DIP2B: variants seen among roughly 807,000 people sequenced by gnomAD.
The protein encoded by DIP2B is DIP2 acetate--CoA ligase B (putative).
In DIP2B, 76 loss-of-function variants were observed where a neutral mutation model predicts 198.0. That is an observed-to-expected ratio of 0.38 (90% CI 0.32 to 0.46). The LOEUF (loss-of-function observed/expected upper bound fraction) is 0.46, where lower values mean the gene tolerates loss of function less well. Among genes scored for constraint, DIP2B ranks in the 20% least tolerant of loss-of-function variants. The pLI is 0.99. For missense variants in DIP2B, 1,559 were observed against 1,978.4 expected, an observed-to-expected ratio of 0.79 and a Z score of 4.02; for synonymous variants, 701 against 739.1, an observed-to-expected ratio of 0.95 and a Z score of 0.84.
intron 1 of DIP2B, among the ~76,000 whole-genome samples, chr12:50,580,589 G>A (rs1384329576): frequency 7.5e-6 from 1 of 133,766 alleles, no homozygotes; most frequent in East Asian, 2.8e-4. Flanking sequence ...AGACTAGAGT[G>A]TAGTGGCGTG....
chr12:50,556,365 G>A (rs1169894325), intron 1 of DIP2B, among the ~76,000 whole-genome samples: 2 of 151,938 alleles, frequency 1.3e-5, no homozygotes, highest in South Asian at 2.1e-4. Context: ...GTAAGCCATC[G>A]AGCCCGGCCG....
chr12:50,703,084 G>A (rs753018826), intron 19 of DIP2B, among the ~76,000 whole-genome samples: 12 of 151,980 alleles, frequency 7.9e-5, no homozygotes, highest in African/African-American at 1.7e-4. Flanking sequence ...TTAGCTAGGC[G>A]TGGTAACCCG....
At chr12:50,727,665 A>G in intron 28 of DIP2B, 38 bp from the exon 29 acceptor site, 1 of 1,554,720 alleles carries the variant, frequency 6.4e-7, no homozygotes, top group Non-Finnish European at 8.9e-7. Context: ...ATGTTCCAGC[A>G]TGTTGGATTG....
intron 2 of DIP2B, among the ~76,000 whole-genome samples, chr12:50,636,050 G>A (rs1377537862): frequency 6.6e-6 from 1 of 152,194 alleles, no homozygotes; most frequent in Non-Finnish European, 1.5e-5. Flanking sequence ...TATAGCAGGA[G>A]AGATGACAGT....
intron 19 of DIP2B, among the ~76,000 whole-genome samples, chr12:50,701,892 A>G (rs1939423804): frequency 6.6e-6 from 1 of 152,194 alleles, no homozygotes; most frequent in African/African-American, 2.4e-5. Flanking sequence ...CTGTAAAGCA[A>G]GTAAACCTGT....
chr12:50,693,720 C>G (rs535365019), intron 14 of DIP2B, among the ~76,000 whole-genome samples: 5 of 152,282 alleles, frequency 3.3e-5, no homozygotes, highest in African/African-American at 1.2e-4. Context: ...AGAAGAATCT[C>G]TTCTCTGTGA....
At chr12:50,538,141 G>T (rs1397717243) in intron 1 of DIP2B, among the ~76,000 whole-genome samples, 1 of 152,116 alleles carries the variant, frequency 6.6e-6, no homozygotes, top group African/African-American at 2.4e-5. Context: ...GCTGGGCATA[G>T]GTTAGATCTC....
At chr12:50,547,282 C>T (rs768821920) in intron 1 of DIP2B, among the ~76,000 whole-genome samples, 2 of 152,078 alleles carry the variant, frequency 1.3e-5, no homozygotes, top group African/African-American at 2.4e-5. Flanking sequence ...GATGACTGTA[C>T]AACACTAGAG....
At chr12:50,523,575 C>G (rs1026021170) in intron 1 of DIP2B, among the ~76,000 whole-genome samples, 2 of 152,088 alleles carry the variant, frequency 1.3e-5, no homozygotes, top group African/African-American at 4.8e-5. Context: ...TCTTAGTGTT[C>G]ACATGGAAGA....
chr12:50,510,969 G>A (rs1026426838), intron 1 of DIP2B, among the ~76,000 whole-genome samples: 3 of 120,344 alleles, frequency 2.5e-5, no homozygotes, highest in South Asian at 2.6e-4. Context: ...TTTTTGAGAC[G>A]GAGTCTCTCC....
At chr12:50,643,571 A>G (rs888348412) in intron 3 of DIP2B, among the ~76,000 whole-genome samples, 2 of 152,150 alleles carry the variant, frequency 1.3e-5, no homozygotes, top group African/African-American at 2.4e-5. Context: ...CAGGAGGGGA[A>G]CATAAAAAGA....
At chr12:50,634,595 A>G (rs1938123975) in intron 2 of DIP2B, among the ~76,000 whole-genome samples, 1 of 152,178 alleles carries the variant, frequency 6.6e-6, no homozygotes, top group South Asian at 2.1e-4. Context: ...GGTTTGTTCA[A>G]TTAGGGAAGT....
At chr12:50,587,407 A>G (rs1461353315) in intron 1 of DIP2B, among the ~76,000 whole-genome samples, 2 of 152,154 alleles carry the variant, frequency 1.3e-5, no homozygotes, top group African/African-American at 4.8e-5. Context: ...AATTAATGCA[A>G]AGCTACCTTT....
intron 1 of DIP2B, among the ~76,000 whole-genome samples, chr12:50,556,801 C>G (rs1958475705): frequency 6.6e-6 from 1 of 152,048 alleles, no homozygotes; most frequent in Non-Finnish European, 1.5e-5. Context: ...CCTCCACCAC[C>G]CAGGTTCAAG....
intron 6 of DIP2B, 79 bp downstream of exon 6, chr12:50,674,708 C>CT: frequency 6.4e-7 from 1 of 1,552,210 alleles, no homozygotes; most frequent in Non-Finnish European, 8.8e-7. Context: ...TAGCTCCTAA[C>CT]TAGCCCAGCA....
At chr12:50,651,640 T>C (rs1483714849) in intron 3 of DIP2B, among the ~76,000 whole-genome samples, 1 of 145,340 alleles carries the variant, frequency 6.9e-6, no homozygotes, top group African/African-American at 2.5e-5. Context: ...TGACCTTCTA[T>C]GTGAGGGTAT....
At chr12:50,558,609 G>C (rs950901084) in intron 1 of DIP2B, among the ~76,000 whole-genome samples, 11 of 152,176 alleles carry the variant, frequency 7.2e-5, no homozygotes, top group Non-Finnish European at 1.0e-4. Flanking sequence ...GTCAGAGATG[G>C]TAGAATGAAT....
chr12:50,631,233 AT>A (rs71753895), intron 2 of DIP2B, among the ~76,000 whole-genome samples: 30 of 144,564 alleles, frequency 2.1e-4, no homozygotes, highest in East Asian at 4.1e-4. Flanking sequence ...GGTTCAAGCG[AT>A]TTTTTTTTTT....
intron 19 of DIP2B, among the ~76,000 whole-genome samples, chr12:50,702,355 A>AG: frequency 6.6e-6 from 1 of 151,470 alleles, no homozygotes; most frequent in Non-Finnish European, 1.5e-5. Context: ...CAAAAAAAAA[A>AG]GAGTTCAAGA....
Sources: gnomAD v4.1 joint callset for allele counts (sites outside exome capture counted in the v4.1 genomes callset) on GRCh38, gnomAD v4.1.1 for gene constraint, MANE v1.5 for transcripts, NCBI Gene and HGNC (gene_info 2026-07-23, HGNC 2026-07-21) for gene names.